The following TRPM2 variants were observed in gnomAD, a reference collection of about 807,000 sequenced individuals.
The protein encoded by TRPM2 is estrogen-responsive element-associated gene 1 protein.
TRPM2 carries 161 observed loss-of-function variants against 174.0 expected under a neutral mutation model. That is an observed-to-expected ratio of 0.93 (90% confidence interval 0.81 to 1.05). TRPM2 has a LOEUF of 1.05. TRPM2 is among the 50% of genes least tolerant of loss of function. TRPM2 has a pLI of 0.00. For synonymous variants in TRPM2, 954 were observed against 861.3 expected, an observed-to-expected ratio of 1.11 and a Z score of -1.88; for missense variants, 2,057 against 2,038.0, an observed-to-expected ratio of 1.01 and a Z score of -0.18.
intron 16 of TRPM2, 143 bp downstream of exon 16, chr21:44,402,040 A>C: frequency 1.0e-6 from 1 of 959,784 alleles, no homozygotes; most frequent in Non-Finnish European, 1.6e-6. Context: ...TTTCCTCCCC[A>C]AAATGGGTGG....
intron 6 of TRPM2, 121 bp from the exon 7 acceptor site, chr21:44,377,591 C>A: frequency 7.5e-7 from 1 of 1,331,944 alleles, no homozygotes. Context: ...GCCCTCAGTG[C>A]AGGGTCTTGC....
At position 44,364,127 on chromosome 21, in the gene TRPM2, C is replaced by A; in HGVS notation, c.268C>A (p.Gln90Lys). 1 of 1,613,778 alleles carries A rather than the reference C, an allele frequency of 6.2e-7. No homozygotes were observed. Among genetic ancestry groups the A allele is most frequent in the South Asian group, 1.1e-5 (1 of 91,032 alleles). The change falls in exon 3 of 32, where the codon CAG becomes AAG. Residue 90 changes from glutamine (Q) to lysine (K), a missense_variant. Physicochemically the swap from Gln to Lys is moderately conservative, Grantham distance 53. Transcript: ENST00000397928. ...GTGTCTTTGCAGGAAGGTGGTGTGT[C>A]AGTGTGGCTACACGCATGAGCAGCA... The part of the protein sequence containing the change: ...KLSDAGKVVC[Q>K]CGYTHEQHLE...
intron 16 of TRPM2, among the ~76,000 whole-genome samples, 198 bp downstream of exon 16, chr21:44,402,095 G>T (rs45585036): frequency 6.6e-6 from 1 of 152,060 alleles, no homozygotes; most frequent in African/African-American, 2.4e-5. Flanking sequence ...TGCCCCCTGC[G>T]CCTGCTTCCC....
Position 44,369,482 on chromosome 21 carries a change from G to T in TRPM2, c.771+139G>T, listed in dbSNP as rs1359245192. The stretch of plus-strand genomic sequence containing the variant: ...GACCGGGCGCTGTGGGGAGCAGGCG[G>T]AGTGTGCGGGGGCCGGGGTGTGGGT... On this transcript the variant is annotated intron_variant, in intron 5 of 31. Transcript: ENST00000397928. 1,145 of 958,668 alleles carry T rather than the reference G, an allele frequency of 1.2e-3. 16 individuals carry two copies. Among genetic ancestry groups the T allele is most frequent in the Non-Finnish European group, 1.2e-3 (820 of 685,682 alleles). The allele number at this position is 958,668 out of a possible 1,614,324, so 59.4% of individuals were successfully genotyped here.
At chr21:44,435,287 C>T in intron 28 of TRPM2, 70 bp downstream of exon 28, 1 of 1,550,364 alleles carries the variant, frequency 6.5e-7, no homozygotes, top group Non-Finnish European at 8.8e-7. Flanking sequence ...GGGGCGGCTG[C>T]CATTGCCCAG....
In TRPM2 at chr21:44,399,373, A is replaced by G. The variant is rs575869396; in HGVS notation, c.2140A>G (p.Lys714Glu). ...LLTRVSEAWG[K>E]TTCLQLALEA... ...CACCCGCGTGTCCGAGGCCTGGGGG[A>G]AGACCACCTGCCTGCAGCTCGCCCT... Residue 714 changes from lysine to glutamate, a missense_variant, in exon 14 of 32, where the codon AAG (lysine) becomes GAG (glutamate). Physicochemically the swap from Lys to Glu is moderately conservative, Grantham distance 56 (BLOSUM62 1). Transcript: ENST00000397928. This position sits in a 1 kb window ranked among gnomAD's most constrained non-coding sequence, Gnocchi z 4.6. The G allele has an allele frequency of 4.5e-5, 73 of 1,612,712 alleles. No individual in the cohort carries two copies. The South Asian group carries it at 8.0e-4, about 18-fold the overall frequency.
intron 18 of TRPM2, 83 bp downstream of exon 18, chr21:44,406,120 C>G: frequency 1.3e-6 from 2 of 1,543,710 alleles, no homozygotes; most frequent in Middle Eastern, 1.8e-4. Flanking sequence ...GCCAGTGGCT[C>G]GGACTGGGGC....
chr21:44,380,907 T>C (rs1335659621), intron 8 of TRPM2, among the ~76,000 whole-genome samples: 3 of 152,154 alleles, frequency 2.0e-5, no homozygotes, highest in Admixed American at 1.3e-4. Flanking sequence ...TGGGAGCTGC[T>C]TCACCCTATG....
intron 2 of TRPM2, among the ~76,000 whole-genome samples, chr21:44,359,072 C>T (rs1398786916): frequency 6.6e-6 from 1 of 152,208 alleles, no homozygotes; most frequent in South Asian, 2.1e-4. Flanking sequence ...GTCCATTTTA[C>T]AGAGCACTGC....
intron 28 of TRPM2, among the ~76,000 whole-genome samples, chr21:44,435,874 C>T (rs949851067): frequency 7.0e-6 from 1 of 143,772 alleles, no homozygotes; most frequent in Non-Finnish European, 1.5e-5. Context: ...CTCCTATCCA[C>T]GGGGACACAG....
chr21:44,375,717 G>A lies in TRPM2; in HGVS notation c.772-116G>A, dbSNP rs549068407. The A allele has an allele frequency of 3.5e-4, 433 of 1,233,922 alleles. 7 individuals are homozygous for A. In the South Asian group the frequency reaches 4.7e-3, roughly 13 times the overall value. The allele number at this position is 1,233,922 out of a possible 1,614,324, so 76.4% of individuals were successfully genotyped here. Reference sequence around the variant, plus strand: ...AAGTCGCTTTCTCCAATAAGGCCACGTCCACAGATTCCAGGGACTGGGACC... The same window carrying A: ...AAGTCGCTTTCTCCAATAAGGCCACATCCACAGATTCCAGGGACTGGGACC... On this transcript the variant is annotated intron_variant, in intron 5 of 31. Transcript: ENST00000397928.
rs1301782430 is a variant in TRPM2 at position 44,366,729 on chromosome 21, C to T, written c.424-25C>T. On this transcript the variant is annotated intron_variant, in intron 3 of 31. Transcript: ENST00000397928. The surrounding 1 kb of genome is among the most constrained non-coding windows in gnomAD (Gnocchi z 6.0). ...CCCTGACCACTGACACACAGGTTCC[C>T]TCCGCCGTTTTCCCTTTCCCGCAGT... 1.2e-6 allele frequency: 2 copies of T among 1,613,334 alleles called. No individual in the cohort carries two copies. Among genetic ancestry groups the T allele is most frequent in the African/African-American group, 1.3e-5 (1 of 74,900 alleles).
chr21:44,381,877 A>G (rs1442995451), intron 8 of TRPM2, among the ~76,000 whole-genome samples: 1 of 151,396 alleles, frequency 6.6e-6, no homozygotes, highest in Non-Finnish European at 1.5e-5. Flanking sequence ...ACTGCACTCC[A>G]GCCTGGGTGG....
At chr21:44,359,432 G>A (rs1420858254) in intron 2 of TRPM2, among the ~76,000 whole-genome samples, 1 of 151,838 alleles carries the variant, frequency 6.6e-6, no homozygotes, top group African/African-American at 2.4e-5. Flanking sequence ...GCACATCCGG[G>A]AGGAATTATT....
intron 20 of TRPM2, among the ~76,000 whole-genome samples, chr21:44,417,537 C>A (rs1188538020): frequency 8.8e-6 from 1 of 113,134 alleles, no homozygotes; most frequent in Admixed American, 8.8e-5. Flanking sequence ...TCATAGTGGG[C>A]ACGTGGGCAT....
At position 44,406,613 on chromosome 21, in the gene TRPM2, T is replaced by A. The variant is rs1338401303; in HGVS notation, c.2810T>A (p.Phe937Tyr). 1 of 1,610,336 alleles carries A rather than the reference T, an allele frequency of 6.2e-7. No individual in the cohort carries two copies. The highest frequency in any genetic ancestry group is 1.1e-5 in the South Asian group (1 of 90,998). ...CTGCAGATGAAGGACGTCTTCTTCTTCCTCTTCCTGCTGGCTGTGTGGGTG... is the reference window on the plus strand; with the variant it reads ...CTGCAGATGAAGGACGTCTTCTTCTACCTCTTCCTGCTGGCTGTGTGGGTG... ...VKRMMKDVFF[F>Y]LFLLAVWVVS... is the part of the protein sequence containing the mutation. Residue 937 changes from phenylalanine (F) to tyrosine (Y), a missense_variant, in exon 19 of 32, where the codon TTC (phenylalanine) becomes TAC (tyrosine). By Grantham distance (22) the Phe-to-Tyr change is conservative. Transcript: ENST00000397928.
chr21:44,391,649 T>G lies in TRPM2; in HGVS notation c.1794+24T>G, dbSNP rs1389698748. 2.0e-6 allele frequency: 3 copies of G among 1,535,502 alleles called. No individual in the cohort carries two copies. In the East Asian group the frequency reaches 6.8e-5, roughly 35 times the overall value. On this transcript the variant is annotated intron_variant, in intron 11 of 31. Transcript: ENST00000397928. The surrounding 1 kb of genome is among the most constrained non-coding windows in gnomAD (Gnocchi z 5.0). ...ACGTGCGTGCTGGTAACGGGGCCCA[T>G]CCTGGACTCGTCTTCGCGGGCTACT...
At chr21:44,359,156 T>A (rs1220148446) in intron 2 of TRPM2, among the ~76,000 whole-genome samples, 1 of 151,318 alleles carries the variant, frequency 6.6e-6, no homozygotes, top group East Asian at 1.9e-4. Flanking sequence ...GTGTGCTGAT[T>A]GGTCCATTTT....
chr21:44,435,295 C>T (rs2051202075), intron 28 of TRPM2, 78 bp downstream of exon 28: 1 of 1,520,412 alleles, frequency 6.6e-7, no homozygotes, highest in Non-Finnish European at 9.0e-7. Flanking sequence ...TGCCATTGCC[C>T]AGTGCTCAGG....
Sources: allele counts gnomAD v4.1 joint callset (sites outside exome capture counted in the v4.1 genomes callset), GRCh38; gene constraint gnomAD v4.1.1; non-coding constraint Gnocchi (gnomAD v3.1); transcripts MANE v1.5; gene names NCBI Gene and HGNC (gene_info 2026-07-23, HGNC 2026-07-21).